Variants in KRT86 observed in about 807,000 individuals in gnomAD.
KRT86 encodes keratin 86, also known as keratin, type II cuticular Hb6.
In KRT86, 30 loss-of-function variants were observed where a neutral mutation model predicts 41.2. That is an observed-to-expected ratio of 0.73 (90% confidence interval 0.54 to 0.99). KRT86 has a LOEUF of 0.99. Ranked by LOEUF, KRT86 falls within the 50% of genes least tolerant of loss-of-function variation. KRT86 has a pLI of 0.00. For missense variants in KRT86, 561 were observed against 571.4 expected (o/e 0.98, Z 0.19); for synonymous variants, 238 against 238.1 (o/e 1.00, Z 0.00).
At chr12:52,285,530 C>A (rs1011372533) in intron 2 of KRT86, among the ~76,000 whole-genome samples, 2 of 152,180 alleles carry the variant, frequency 1.3e-5, no homozygotes, top group Non-Finnish European at 2.9e-5. Flanking sequence ...ATCTGATTTT[C>A]ATGATCCATC....
At chr12:52,275,765 C>T (rs1306816817) in intron 1 of KRT86, 56 bp from the exon 2 acceptor site, 1 of 882,468 alleles carries the variant, frequency 1.1e-6, no homozygotes, top group Non-Finnish European at 1.4e-6. Context: ...GATGGGCAGC[C>T]CTGTCTGGCC....
At chr12:52,301,315 G>A (rs1938367789) in intron 2 of KRT86, among the ~76,000 whole-genome samples, 1 of 152,012 alleles carries the variant, frequency 6.6e-6, no homozygotes. Context: ...AGGTGTGGAG[G>A]AACTGGGTCC....
At chr12:52,298,163 A>G (rs1938290765) in intron 2 of KRT86, among the ~76,000 whole-genome samples, 1 of 152,192 alleles carries the variant, frequency 6.6e-6, no homozygotes, top group Non-Finnish European at 1.5e-5. Context: ...TTTGCCAAAG[A>G]GAAGAGATTC....
chr12:52,275,254 G>C (rs1942541065), intron 1 of KRT86, among the ~76,000 whole-genome samples: 1 of 152,132 alleles, frequency 6.6e-6, no homozygotes, highest in South Asian at 2.1e-4. Context: ...GGTGCAAGAA[G>C]GGAAGTGGTC....
chr12:52,301,496 C>T (rs1473556019), intron 2 of KRT86, among the ~76,000 whole-genome samples: 1 of 152,110 alleles, frequency 6.6e-6, no homozygotes, highest in Non-Finnish European at 1.5e-5. Flanking sequence ...CGGCATTGAC[C>T]ATGTCAAACC....
intron 2 of KRT86, among the ~76,000 whole-genome samples, chr12:52,296,975 C>T (rs1393757391): frequency 1.3e-5 from 2 of 152,240 alleles, no homozygotes; most frequent in African/African-American, 4.8e-5. Flanking sequence ...TGTGCCTCAA[C>T]CGGCATTCTC....
chr12:52,277,842 T>A (rs1463174826), intron 2 of KRT86: 1 of 152,288 alleles, frequency 6.6e-6, no homozygotes, highest in Non-Finnish European at 1.5e-5. Context: ...GACCTAGGTA[T>A]CCAGGAACTC....
rs932814933 is a variant in KRT86, at chr12:52,285,985, G to T, written c.-5+10039G>T. On this transcript the variant is annotated intron_variant, in intron 2 of 10. Coordinates refer to ENST00000423955, the MANE Select transcript of KRT86 (RefSeq NM_001320198.2). ...GGGGAGAGGCAGGAAGGCAGTTGCC[G>T]TGGGCAAGGTTCTGGTCCTGGCCCT... 10 of 523,030 alleles carry T rather than the reference G, an allele frequency of 1.9e-5. No homozygotes were observed. In the East Asian group the frequency reaches 3.3e-4, roughly 18 times the overall value. 32.4% of individuals were successfully genotyped at this position (523,030 alleles called of 1,614,324 possible).
At chr12:52,286,184 G>T in intron 2 of KRT86, 1 of 1,271,820 alleles carries the variant, frequency 7.9e-7, no homozygotes, top group Non-Finnish European at 1.1e-6. Context: ...TGCTCCAGGC[G>T]CCTGGACTGG....
chr12:52,301,875 C>A, intron 2 of KRT86, 38 bp from the exon 3 acceptor site: 3 of 1,613,692 alleles, frequency 1.9e-6, no homozygotes, highest in South Asian at 1.1e-5. Flanking sequence ...TCCATTCGGA[C>A]GTCTCCATCC....
intron 2 of KRT86, chr12:52,291,119 C>T: frequency 1.2e-6 from 1 of 853,936 alleles, no homozygotes; most frequent in East Asian, 2.8e-5. Context: ...GGCCGCGAAC[C>T]TGCTGTTGAG....
At chr12:52,287,929 A>G (rs1592424149) in intron 2 of KRT86, 3 of 1,613,604 alleles carry the variant, frequency 1.9e-6, no homozygotes, top group South Asian at 2.2e-5. Context: ...TTTAATAGAT[A>G]TCTCACATCC....
In KRT86 at chr12:52,305,755, G is replaced by A. The variant is rs560252337; in HGVS notation, c.993G>A (p.Arg331=). 3.7e-6 allele frequency: 6 copies of A among 1,613,948 alleles called. No individual in the cohort carries two copies. Among genetic ancestry groups the A allele is most frequent in the Non-Finnish European group, 5.1e-6 (6 of 1,179,926 alleles). The change falls in exon 8 of 11, where the codon AGG becomes AGA. Residue 331 remains arginine (R), a synonymous_variant. Coordinates refer to ENST00000423955, the MANE Select transcript of KRT86 (RefSeq NM_001320198.2). ...ACGAGCTGAACCGCATGATCCAGAG[G>A]CTGACGGCTGAGGTGGAGAATGCCA... is the stretch of plus-strand genomic sequence containing the variant. The part of the protein sequence containing the change: ...EINELNRMIQ[R]LTAEVENAKC...
intron 2 of KRT86, chr12:52,287,417 C>T (rs769217624): frequency 3.5e-5 from 55 of 1,573,328 alleles, no homozygotes; most frequent in African/African-American, 6.8e-5. Context: ...GCTGGGAGCA[C>T]CCCAGAACAG....
chr12:52,295,423 C>T (rs1177155320), intron 2 of KRT86, among the ~76,000 whole-genome samples: 5 of 152,150 alleles, frequency 3.3e-5, no homozygotes, highest in South Asian at 2.1e-4. Flanking sequence ...GGAAGGGATG[C>T]GTTTGTCCCA....
In KRT86 at chr12:52,301,634, G is replaced by T. The variant is rs189312853; in HGVS notation, c.-4-279G>T. ...GGAGGTTGAGGTGGGTGTGCGGGAC[G>T]TGAGTTGGTCCTTTGAAGAAGAAAA... On this transcript the variant is annotated intron_variant, in intron 2 of 10. Transcript: ENST00000423955. Among the ~76,000 whole-genome samples, 200 of 152,240 alleles carry T rather than the reference G, an allele frequency of 1.3e-3. 1 individual carries two copies. Among genetic ancestry groups the T allele is most frequent in the Non-Finnish European group, 2.2e-3 (152 of 68,006 alleles).
At chr12:52,286,691 A>C in intron 2 of KRT86, 1 of 1,355,496 alleles carries the variant, frequency 7.4e-7, no homozygotes. Flanking sequence ...ATGCCAGCCC[A>C]CTCTTTTATA....
intron 2 of KRT86, among the ~76,000 whole-genome samples, chr12:52,280,256 A>G (rs1937741233): frequency 6.6e-6 from 1 of 152,120 alleles, no homozygotes; most frequent in South Asian, 2.1e-4. Context: ...TCCAGGGTGT[A>G]AGTTGGTCCG....
At chr12:52,277,078 G>A (rs1937650034) in intron 2 of KRT86, among the ~76,000 whole-genome samples, 1 of 152,082 alleles carries the variant, frequency 6.6e-6, no homozygotes, top group Non-Finnish European at 1.5e-5. Flanking sequence ...ACTTCACCAA[G>A]GTCTTATTAT....
Sources: allele counts gnomAD v4.1 joint callset (sites outside exome capture counted in the v4.1 genomes callset), GRCh38; gene constraint gnomAD v4.1.1; transcripts MANE v1.5; gene names NCBI Gene and HGNC (gene_info 2026-07-23, HGNC 2026-07-21).